DCC: variants seen among roughly 807,000 people sequenced by gnomAD.
DCC encodes netrin receptor DCC.
Under a neutral mutation model 172.5 loss-of-function variants are expected in DCC, and 58 were observed. The observed-to-expected ratio is 0.34, with a 90% confidence interval of 0.27 to 0.42. The LOEUF (loss-of-function observed/expected upper bound fraction) is 0.42, where lower values mean the gene tolerates loss of function less well. Ranked by LOEUF, DCC falls within the 10% of genes least tolerant of loss-of-function variation. DCC has a pLI of 1.00. For synonymous variants in DCC, 709 were observed against 644.5 expected, an observed-to-expected ratio of 1.10 and a Z score of -1.52; for missense variants, 1,740 against 1,791.0, an observed-to-expected ratio of 0.97 and a Z score of 0.51.
chr18:52,563,707 G>A (rs1403704453), intron 1 of DCC, among the ~76,000 whole-genome samples: 1 of 152,096 alleles, frequency 6.6e-6, no homozygotes, highest in Non-Finnish European at 1.5e-5. Flanking sequence ...AAATTATGCA[G>A]GTAGATTTTT....
At chr18:52,925,613 C>A (rs1407165709) in intron 5 of DCC, among the ~76,000 whole-genome samples, 1 of 151,752 alleles carries the variant, frequency 6.6e-6, no homozygotes, top group Non-Finnish European at 1.5e-5. Flanking sequence ...AGTGATACAG[C>A]TGAAAAGTAC....
At chr18:52,806,185 G>A (rs936310632) in intron 2 of DCC, among the ~76,000 whole-genome samples, 1 of 152,284 alleles carries the variant, frequency 6.6e-6, no homozygotes, top group Non-Finnish European at 1.5e-5. Context: ...TCTTAGAGCA[G>A]TTTTTGGTTC....
At chr18:52,953,674 G>A (rs2040694614) in intron 5 of DCC, among the ~76,000 whole-genome samples, 1 of 152,198 alleles carries the variant, frequency 6.6e-6, no homozygotes, top group African/African-American at 2.4e-5. Context: ...CTGCCAGGCG[G>A]TTATATTTAC....
chr18:53,375,475 C>G (rs1599080136), intron 15 of DCC, among the ~76,000 whole-genome samples: 1 of 152,050 alleles, frequency 6.6e-6, no homozygotes, highest in Non-Finnish European at 1.5e-5. Context: ...TTATTTTGTT[C>G]TCTTTATGCT....
At chr18:52,651,716 C>T (rs548674205) in intron 1 of DCC, among the ~76,000 whole-genome samples, 1 of 152,128 alleles carries the variant, frequency 6.6e-6, no homozygotes, top group Admixed American at 6.5e-5. Flanking sequence ...CAACAGCATT[C>T]CACAAGTGCT....
chr18:53,326,770 A>AGATCAAAGC (rs754467452), intron 14 of DCC, among the ~76,000 whole-genome samples: 15,747 of 152,096 alleles, frequency 0.1, 881 homozygotes, highest in Middle Eastern at 0.19. Context: ...CTGAAGTGAG[A>AGATCAAAGC]AATTTCCATA....
intron 1 of DCC, among the ~76,000 whole-genome samples, chr18:52,485,605 C>A (rs2030180335): frequency 6.6e-6 from 1 of 152,060 alleles, no homozygotes; most frequent in Non-Finnish European, 1.5e-5. Context: ...TACAGGAGAG[C>A]AAATGGCAAC....
In DCC at chr18:52,925,417, T is replaced by C. The variant is rs374503758; in HGVS notation, c.985+47T>C. ...AGTTTATATTGTACCTTTCAAAGTA[T>C]ATCACCGCGACATTTTAATGCTCAT... On this transcript the variant is annotated intron_variant, in intron 5 of 28. Coordinates refer to ENST00000442544, the MANE Select transcript of DCC (RefSeq NM_005215.4). 2.0e-5 allele frequency: 32 copies of C among 1,577,984 alleles called. No individual in the cohort carries two copies. The African/African-American group carries it at 2.4e-4, about 12-fold the overall frequency.
chr18:52,902,417 C>G lies in DCC; in HGVS notation c.413-3627C>G, dbSNP rs559740458. 2.6e-5 allele frequency among the ~76,000 whole-genome samples: 4 copies of G among 152,188 alleles called. No individual in the cohort carries two copies. In the East Asian group the frequency reaches 7.7e-4, roughly 29 times the overall value. On this transcript the variant is annotated intron_variant, in intron 2 of 28. Coordinates refer to ENST00000442544, the MANE Select transcript of DCC (RefSeq NM_005215.4). ...ATCATTACAACGGATCAGATGTGGCCTAATGAGTCTGAACCAGGCTTTTTC... is the reference window on the plus strand; with the variant it reads ...ATCATTACAACGGATCAGATGTGGCGTAATGAGTCTGAACCAGGCTTTTTC...
chr18:53,090,116 T>C (rs2042980933), intron 7 of DCC, among the ~76,000 whole-genome samples: 1 of 152,210 alleles, frequency 6.6e-6, no homozygotes, highest in Non-Finnish European at 1.5e-5. Flanking sequence ...GAAAGTTATT[T>C]TCTAATGAAA....
At chr18:52,705,296 C>T (rs2036187458) in intron 1 of DCC, among the ~76,000 whole-genome samples, 1 of 151,990 alleles carries the variant, frequency 6.6e-6, no homozygotes. Context: ...TGGCAGCAAC[C>T]CCAAAATAGA....
At chr18:53,126,913 C>T (rs1270369227) in intron 7 of DCC, among the ~76,000 whole-genome samples, 1 of 152,090 alleles carries the variant, frequency 6.6e-6, no homozygotes, top group Non-Finnish European at 1.5e-5. Context: ...TTTTATCACA[C>T]ACCCAGTACT....
chr18:52,668,546 G>T (rs1199653394), intron 1 of DCC, among the ~76,000 whole-genome samples: 2 of 152,088 alleles, frequency 1.3e-5, no homozygotes, highest in African/African-American at 4.8e-5. Flanking sequence ...AGAGATGAAA[G>T]AATAAATATC....
rs76663984 is a variant in DCC, at chr18:52,543,859, C to T, written c.91+202981C>T. Among the ~76,000 whole-genome samples, 500 of 152,304 alleles carry T rather than the reference C, an allele frequency of 3.3e-3. 2 individuals are homozygous for T. Among genetic ancestry groups the T allele is most frequent in the Non-Finnish European group, 5.6e-3 (383 of 68,022 alleles). On this transcript the variant is annotated intron_variant, in intron 1 of 28. Transcript: ENST00000442544. ...CTTCCTGGCATCTGTGTACCTGTGTCCTATCAGAACCAGTTTCTGTAGTAG... is the reference window on the plus strand; with the variant it reads ...CTTCCTGGCATCTGTGTACCTGTGTTCTATCAGAACCAGTTTCTGTAGTAG...
chr18:53,327,102 C>G (rs189759586), intron 14 of DCC, among the ~76,000 whole-genome samples: 64 of 152,258 alleles, frequency 4.2e-4, no homozygotes, highest in African/African-American at 1.5e-3. Context: ...CTTGCCTTCT[C>G]AACTTGGCTT....
intron 1 of DCC, among the ~76,000 whole-genome samples, chr18:52,461,631 T>C (rs1420111561): frequency 1.3e-5 from 2 of 152,194 alleles, no homozygotes; most frequent in Non-Finnish European, 2.9e-5. Flanking sequence ...GCCATAGGAA[T>C]TTTTCAGTTC....
At chr18:52,577,517 TGG>T (rs143104863) in intron 1 of DCC, among the ~76,000 whole-genome samples, 2,580 of 152,334 alleles carry the variant, frequency 0.017, 26 homozygotes, top group South Asian at 0.026. Flanking sequence ...CTTAAGTTGA[TGG>T]TTCCATAGTT....
intron 1 of DCC, among the ~76,000 whole-genome samples, chr18:52,654,702 G>A (rs1485179341): frequency 6.6e-6 from 1 of 152,042 alleles, no homozygotes; most frequent in African/African-American, 2.4e-5. Context: ...TAGGTACTGG[G>A]GGTTAGGACT....
intron 20 of DCC, 65 bp from the exon 21 acceptor site, chr18:53,416,059 G>C: frequency 8.4e-7 from 1 of 1,196,756 alleles, no homozygotes; most frequent in Non-Finnish European, 1.2e-6. Context: ...CTGTTGGTTT[G>C]ATATGTCAGC....
Sources: allele counts gnomAD v4.1 joint callset (sites outside exome capture counted in the v4.1 genomes callset), GRCh38; gene constraint gnomAD v4.1.1; transcripts MANE v1.5; gene names NCBI Gene and HGNC (gene_info 2026-07-23, HGNC 2026-07-21).